The following ZC3H4 variants were observed in gnomAD, a reference collection of about 807,000 sequenced individuals.
ZC3H4 encodes zinc finger CCCH-type containing 4.
ZC3H4 carries 13 observed loss-of-function variants against 108.3 expected under a neutral mutation model. The observed-to-expected ratio is 0.12, with a 90% confidence interval of 0.08 to 0.19. ZC3H4 has a LOEUF of 0.19. Ranked by LOEUF, ZC3H4 falls within the 10% of genes least tolerant of loss-of-function variation. The pLI is 1.00. For synonymous variants in ZC3H4, 917 were observed against 749.6 expected, an observed-to-expected ratio of 1.22 and a Z score of -3.65; for missense variants, 1,734 against 1,838.8, an observed-to-expected ratio of 0.94 and a Z score of 1.04.
intron 11 of ZC3H4, among the ~76,000 whole-genome samples, chr19:47,073,524 A>T (rs1160740053): frequency 1.3e-5 from 2 of 152,066 alleles, no homozygotes. Context: ...GTGAGCCGAG[A>T]TCACACTACT....
rs1468174253 is a variant in ZC3H4, at chr19:47,072,609, G to A, written c.1545C>T (p.Gly515=). The A allele has an allele frequency of 4.4e-6, 7 of 1,609,114 alleles. No individual in the cohort carries two copies. The highest frequency in any genetic ancestry group is 5.9e-6 in the Non-Finnish European group (7 of 1,178,794). The change falls in exon 12 of 15, where the codon GGC becomes GGT. Residue 515 remains glycine, a synonymous_variant. Coordinates refer to ENST00000253048, the MANE Select transcript of ZC3H4 (RefSeq NM_015168.2). The surrounding 1 kb of genome is among the most constrained non-coding windows in gnomAD (Gnocchi z 5.6). ...NPLPKPPPGV[G]LLPTPPRPPG... The stretch of plus-strand genomic sequence containing the variant: ...GGGGCCGAGGAGGGGTGGGCAGGAG[G>A]CCCACACCAGGGGGCGGTTTGGGCA...
At chr19:47,113,088 C>T (rs1487819834) in intron 1 of ZC3H4, among the ~76,000 whole-genome samples, 2 of 152,234 alleles carry the variant, frequency 1.3e-5, no homozygotes, top group East Asian at 3.9e-4. Flanking sequence ...CTGCCCGGCC[C>T]CCGCCGCAAT....
Position 47,113,705 on chromosome 19 carries a change from G to GA in ZC3H4, c.-6+14dup, listed in dbSNP as rs138726100. ...GGAAGGAATTCAGGCTACGGAGAGGGAAAAAAAAAATAACCGAAAGCTGGA... is the reference window on the plus strand; with the variant it reads ...GGAAGGAATTCAGGCTACGGAGAGGGAAAAAAAAAAATAACCGAAAGCTGGA... On this transcript the variant is annotated intron_variant, in intron 1 of 14. Coordinates refer to ENST00000253048, the MANE Select transcript of ZC3H4 (RefSeq NM_015168.2). 0.01 allele frequency: 1,540 copies of GA among 149,552 alleles called. 13 individuals carry two copies. The highest frequency in any genetic ancestry group is 0.019 in the South Asian group (89 of 4,746). The allele number at this position is 149,552 out of a possible 1,614,324, so 9.3% of individuals were successfully genotyped here. A position where few individuals can be genotyped will look rare whatever the true frequency, so the allele number is the denominator to read the frequency against.
At chr19:47,109,067 A>C (rs1382100704) in intron 2 of ZC3H4, among the ~76,000 whole-genome samples, 1 of 152,228 alleles carries the variant, frequency 6.6e-6, no homozygotes, top group African/African-American at 2.4e-5. Context: ...TTTGTTATTA[A>C]ATCAGGGATT....
At chr19:47,084,618 A>G (rs1418716539) in intron 8 of ZC3H4, among the ~76,000 whole-genome samples, 163 bp from the exon 9 acceptor site, 2 of 152,218 alleles carry the variant, frequency 1.3e-5, no homozygotes, top group African/African-American at 2.4e-5. Context: ...CGTGCACCTT[A>G]TAAGCCCCAC....
Position 47,067,889 on chromosome 19 carries a change from C to G in ZC3H4, c.2399-20G>C. 2 of 1,566,900 alleles carry G rather than the reference C, an allele frequency of 1.3e-6. No individual in the cohort carries two copies. Among genetic ancestry groups the G allele is most frequent in the Non-Finnish European group, 1.7e-6 (2 of 1,160,130 alleles). Reference sequence around the variant, plus strand: ...TGTCACCTGGGAAAGAACAGAGGAGCAGGGAGGGGTGAGTGGGCGCATCCA... The same window carrying G: ...TGTCACCTGGGAAAGAACAGAGGAGGAGGGAGGGGTGAGTGGGCGCATCCA... On this transcript the variant is annotated intron_variant, in intron 14 of 14. Coordinates refer to ENST00000253048, the MANE Select transcript of ZC3H4 (RefSeq NM_015168.2). This position sits in a 1 kb window ranked among gnomAD's most constrained non-coding sequence, Gnocchi z 6.4.
intron 4 of ZC3H4, among the ~76,000 whole-genome samples, chr19:47,093,215 CAAAA>C (rs918382221): frequency 2.1e-5 from 1 of 48,404 alleles, no homozygotes; most frequent in Non-Finnish European, 4.3e-5. Context: ...GACTCTGCCT[CAAAA>C]AAAAAAAAAA....
At chr19:47,100,449 C>T (rs756056416) in intron 2 of ZC3H4, among the ~76,000 whole-genome samples, 13 of 151,960 alleles carry the variant, frequency 8.6e-5, no homozygotes, top group African/African-American at 3.1e-4. Context: ...GCCTACGCCA[C>T]GGCAACCACC....
At position 47,072,818 on chromosome 19, in the gene ZC3H4, G is replaced by C; in HGVS notation, c.1441-105C>G. The C allele has an allele frequency of 7.4e-7, 1 of 1,351,614 alleles. No individual in the cohort carries two copies. The highest frequency in any genetic ancestry group is 1.0e-6 in the Non-Finnish European group (1 of 992,812). 83.7% of individuals were successfully genotyped at this position (1,351,614 alleles called of 1,614,324 possible). ...TTATGAGGAAAAGTCCATAATACAA[G>C]GACCTTGAGATCTAAAGGCATAAAG... On this transcript the variant is annotated intron_variant, in intron 11 of 14. Transcript: ENST00000253048. This position sits in a 1 kb window ranked among gnomAD's most constrained non-coding sequence, Gnocchi z 5.6.
Position 47,110,868 on chromosome 19 carries a change from G to GA in ZC3H4, c.161+1555dup, listed in dbSNP as rs545206510. 8.3e-3 allele frequency: 7,334 copies of GA among 878,984 alleles called. 5 individuals are homozygous for GA. Among genetic ancestry groups the GA allele is most frequent in the African/African-American group, 0.013 (692 of 54,642 alleles). 54.4% of individuals were successfully genotyped at this position (878,984 alleles called of 1,614,324 possible). On this transcript the variant is annotated intron_variant, in intron 2 of 14. Transcript: ENST00000253048. ...CGATACATTTAATTAGAACAAAACA[G>GA]AAAAAAAAAATGTTGTAAAAGCTCA...
chr19:47,089,092 G>A (rs575726132), intron 5 of ZC3H4, among the ~76,000 whole-genome samples: 3 of 150,640 alleles, frequency 2.0e-5, no homozygotes, highest in East Asian at 4.0e-4. Flanking sequence ...TGTAATCCCA[G>A]CTACTCAGGA....
At chr19:47,071,358 C>T (rs1198342236) in intron 13 of ZC3H4, among the ~76,000 whole-genome samples, 5 of 152,128 alleles carry the variant, frequency 3.3e-5, no homozygotes, top group South Asian at 2.1e-4. Context: ...GGCAGGAAAA[C>T]GGCCGGTAAT....
intron 6 of ZC3H4, 104 bp from the exon 7 acceptor site, chr19:47,085,518 G>T: frequency 9.6e-7 from 1 of 1,046,448 alleles, no homozygotes; most frequent in Non-Finnish European, 1.4e-6. Flanking sequence ...ACCATCCAGG[G>T]GACTCATACC....
In ZC3H4 at chr19:47,066,659, C is replaced by T. The variant is rs1368250984; in HGVS notation, c.3609G>A (p.Lys1203=). 1 of 1,611,866 alleles carries T rather than the reference C, an allele frequency of 6.2e-7. No individual in the cohort carries two copies. The highest frequency in any genetic ancestry group is 8.5e-7 in the Non-Finnish European group (1 of 1,179,604). ...KSALEQPETG[K]AGADGGTPTD... ...TGGGGGTGCCCCCATCAGCACCGGC[C>T]TTCCCTGTCTCTGGCTGTTCCAGGG... is the stretch of plus-strand genomic sequence containing the variant. Residue 1203 remains lysine, a synonymous_variant, in exon 15 of 15, where the codon AAG becomes AAA. Coordinates refer to ENST00000253048, the MANE Select transcript of ZC3H4 (RefSeq NM_015168.2).
intron 2 of ZC3H4, among the ~76,000 whole-genome samples, chr19:47,107,566 A>G (rs1228962183): frequency 6.6e-6 from 1 of 152,100 alleles, no homozygotes; most frequent in Admixed American, 6.6e-5. Context: ...CGAAATGGCA[A>G]AAAAAATACA....
chr19:47,085,507 G>GA, intron 6 of ZC3H4, 93 bp from the exon 7 acceptor site: 1 of 1,156,650 alleles, frequency 8.6e-7, no homozygotes, highest in Non-Finnish European at 1.2e-6. Context: ...GAAGGATGGT[G>GA]ACCATCCAGG....
intron 11 of ZC3H4, among the ~76,000 whole-genome samples, chr19:47,073,621 T>C (rs1191930879): frequency 6.6e-6 from 1 of 152,206 alleles, no homozygotes; most frequent in African/African-American, 2.4e-5. Flanking sequence ...TTTGGCACAT[T>C]AACAATGTTA....
At chr19:47,099,229 G>A (rs1284726692) in intron 2 of ZC3H4, among the ~76,000 whole-genome samples, 1 of 152,154 alleles carries the variant, frequency 6.6e-6, no homozygotes, top group Non-Finnish European at 1.5e-5. Flanking sequence ...GGAGGCCGAG[G>A]TGGGCGGATC....
intron 2 of ZC3H4, chr19:47,112,082 C>A (rs961002679): frequency 3.0e-6 from 3 of 1,010,126 alleles, no homozygotes; most frequent in Admixed American, 5.8e-5. Flanking sequence ...TCCGCAGCAC[C>A]CCCCACGGCG....
Sources: gnomAD v4.1 joint callset for allele counts (sites outside exome capture counted in the v4.1 genomes callset) on GRCh38, gnomAD v4.1.1 for gene constraint, Gnocchi (gnomAD v3.1) non-coding constraint, MANE v1.5 for transcripts, NCBI Gene and HGNC (gene_info 2026-07-23, HGNC 2026-07-21) for gene names.